NUP214: variants seen among roughly 807,000 people sequenced by gnomAD.
NUP214 encodes the protein nuclear pore complex protein Nup214.
A neutral mutation model predicts 196.2 loss-of-function variants in NUP214; 79 were observed. The ratio of observed to expected loss-of-function variants is 0.40; its 90% CI spans 0.34 to 0.49. NUP214 has a LOEUF of 0.49. NUP214 is among the 20% of genes least tolerant of loss of function. The pLI is 0.58. For missense variants in NUP214, 2,468 were observed against 2,539.0 expected (o/e 0.97, Z 0.60); for synonymous variants, 1,020 against 990.5 (o/e 1.03, Z -0.56).
rs143374083 is a variant in NUP214 at position 131,129,440 on chromosome 9, A to G, written c.555A>G (p.Val185=). 35 of 1,614,106 alleles carry G rather than the reference A, an allele frequency of 2.2e-5. No homozygotes were observed. In the African/African-American group the frequency reaches 2.8e-4, roughly 13 times the overall value. Residue 185 remains valine (V), a synonymous_variant, in exon 4 of 36, where the codon GTA becomes GTG. Coordinates refer to ENST00000359428, the MANE Select transcript of NUP214 (RefSeq NM_005085.4). ...TGCAAGTCACGGAAACAGTGAAAGT[A>G]TGTGCAACTCTTCCTTCCACGGTAG... ...AVLQVTETVK[V]CATLPSTVAV...
intron 30 of NUP214, among the ~76,000 whole-genome samples, chr9:131,205,616 A>G (rs1266764531): frequency 1.3e-5 from 2 of 152,254 alleles, no homozygotes; most frequent in African/African-American, 4.8e-5. Context: ...GCATAAATAA[A>G]TTGTGGTATA....
At chr9:131,130,309 A>C (rs930611166) in intron 4 of NUP214, among the ~76,000 whole-genome samples, 1 of 151,474 alleles carries the variant, frequency 6.6e-6, no homozygotes, top group South Asian at 2.1e-4. Context: ...ATGCCCAGCT[A>C]ATTTTTGTAT....
rs1402213745 is a variant in NUP214 at position 131,163,854 on chromosome 9, C to CGG, written c.2724-16_2724-15insGG. ...CAGCTCCTAGTTGGTCTGTATCTAA[C>CGG]ACTGTTCTGTTTCAGTTTTGACAGT... On this transcript the variant is annotated splice_polypyrimidine_tract_variant and intron_variant, in intron 19 of 35. Coordinates refer to ENST00000359428, the MANE Select transcript of NUP214 (RefSeq NM_005085.4). The CGG allele has an allele frequency of 1.9e-6, 3 of 1,609,060 alleles. No homozygotes were observed. Among genetic ancestry groups the CGG allele is most frequent in the East Asian group, 4.5e-5 (2 of 44,856 alleles).
At chr9:131,180,420 A>G (rs1036809260) in intron 24 of NUP214, among the ~76,000 whole-genome samples, 2 of 152,188 alleles carry the variant, frequency 1.3e-5, no homozygotes, top group Middle Eastern at 3.2e-3. Context: ...AGATTCTTTT[A>G]TGTTTTATTT....
At chr9:131,195,121 A>G (rs906411767) in intron 27 of NUP214, 112 bp from the exon 28 acceptor site, 2 of 732,654 alleles carry the variant, frequency 2.7e-6, no homozygotes, top group African/African-American at 1.8e-5. Flanking sequence ...TATCTTCTAG[A>G]TTGTAAATTC....
chr9:131,215,222 C>T lies in NUP214; in HGVS notation c.5603C>T (p.Ser1868Phe). 6.5e-7 allele frequency: 1 copy of T among 1,546,256 alleles called. No homozygotes were observed. Among genetic ancestry groups the T allele is most frequent in the South Asian group, 1.2e-5 (1 of 81,274 alleles). The change falls in exon 31 of 36, where the codon TCT (serine) becomes TTT (phenylalanine). Residue 1868 changes from serine (S) to phenylalanine (F), a missense_variant. Physicochemically the swap from Ser to Phe is radical, Grantham distance 155. Coordinates refer to ENST00000359428, the MANE Select transcript of NUP214 (RefSeq NM_005085.4). ...GGIVFGQQSSSSSGSVFGSGN... is the reference protein window; with the variant it reads ...GGIVFGQQSSFSSGSVFGSGN... ...CCTTTTGTTTTTTAGCAATCATCCT[C>T]TTCCAGTGGTAGCGTGTTTGGGTCT...
At chr9:131,135,150 C>T in intron 8 of NUP214, 146 bp downstream of exon 8, 1 of 588,286 alleles carries the variant, frequency 1.7e-6, no homozygotes, top group South Asian at 2.3e-5. Context: ...AGTGCAGTGG[C>T]ACGATTGTAG....
rs1282043697 is a variant in NUP214 at position 131,135,152 on chromosome 9, CGAT to C, written c.938+149_938+151del. 13 of 575,888 alleles carry C rather than the reference CGAT, an allele frequency of 2.3e-5. No homozygotes were observed. The East Asian group carries it at 3.8e-4, about 17-fold the overall frequency. 35.7% of individuals were successfully genotyped at this position (575,888 alleles called of 1,614,324 possible). On this transcript the variant is annotated intron_variant, in intron 8 of 35. Transcript: ENST00000359428. ...TTACCCAGGCTGGAGTGCAGTGGCA[CGAT>C]TGTAGCTCACAGAAGCCTGGAACTC...
chr9:131,184,026 C>CTTTTTTTTTTTTTTTTTTTT (rs776765956), intron 24 of NUP214, among the ~76,000 whole-genome samples: 68 of 104,362 alleles, frequency 6.5e-4, no homozygotes, highest in Non-Finnish European at 8.2e-4. Flanking sequence ...TTTTCTTTTT[C>CTTTTTTTTTTTTTTTTTTTT]TTTTTTTTTT....
Position 131,201,663 on chromosome 9 carries a change from T to C in NUP214, c.5538T>C (p.Asn1846=). The part of the protein sequence containing the change: ...FCQASGFGSS[N]TGSVFGQAAS... Reference sequence around the variant, plus strand: ...ATTTTACAGGTTTTGGGTCTAGTAATACTGGTTCTGTGTTTGGTCAAGCAG... The same window carrying C: ...ATTTTACAGGTTTTGGGTCTAGTAACACTGGTTCTGTGTTTGGTCAAGCAG... Residue 1846 remains asparagine (N), a synonymous_variant, in exon 30 of 36, where the codon AAT becomes AAC. Transcript: ENST00000359428. 6.2e-7 allele frequency: 1 copy of C among 1,614,054 alleles called. No individual in the cohort carries two copies. Among genetic ancestry groups the C allele is most frequent in the Non-Finnish European group, 8.5e-7 (1 of 1,179,884 alleles).
At position 131,228,213 on chromosome 9, in the gene NUP214, C is replaced by G; in HGVS notation, c.5956C>G (p.Pro1986Ala). The G allele has an allele frequency of 6.2e-7, 1 of 1,605,000 alleles. No individual in the cohort carries two copies. Among genetic ancestry groups the G allele is most frequent in the Middle Eastern group, 1.7e-4 (1 of 6,022 alleles). Residue 1986 changes from proline (P) to alanine (A), a missense_variant, in exon 33 of 36, where the codon CCT becomes GCT. Transcript: ENST00000359428. ...FGSPPTFGGS[P>A]GFGGVPAFGS... Reference sequence around the variant, plus strand: ...CAGCCCTCCTACTTTTGGGGGATCCCCTGGGTTTGGAGGGGTGCCAGCATT... The same window carrying G: ...CAGCCCTCCTACTTTTGGGGGATCCGCTGGGTTTGGAGGGGTGCCAGCATT...
At chr9:131,161,922 C>T (rs1462987062) in intron 18 of NUP214, among the ~76,000 whole-genome samples, 2 of 152,208 alleles carry the variant, frequency 1.3e-5, no homozygotes, top group East Asian at 1.9e-4. Flanking sequence ...GTCCAACCCA[C>T]GGCCTGCAGG....
In NUP214 at chr9:131,144,503, C is replaced by T. The variant is rs780227399; in HGVS notation, c.1518C>T (p.Ser506=). 37 of 1,614,006 alleles carry T rather than the reference C, an allele frequency of 2.3e-5. No individual in the cohort carries two copies. The highest frequency in any genetic ancestry group is 1.2e-4 in the South Asian group (11 of 91,082). Residue 506 remains serine (S), a synonymous_variant, in exon 12 of 36, where the codon TCC becomes TCT. Coordinates refer to ENST00000359428, the MANE Select transcript of NUP214 (RefSeq NM_005085.4). The part of the protein sequence containing the change: ...TGEPPSYSSG[S]DSSKAAPGPG... ...AGCCCCCTTCATATTCCAGTGGCTC[C>T]GACAGCTCCAAAGCAGCCCCAGGCC...
chr9:131,162,781 T>A (rs1832679142), intron 18 of NUP214: 2 of 563,076 alleles, frequency 3.6e-6, no homozygotes, highest in East Asian at 6.3e-5. Context: ...GCCTGCCTGT[T>A]TCCAGCTGTT....
chr9:131,219,371 T>C (rs1181734678), intron 31 of NUP214, among the ~76,000 whole-genome samples: 1 of 152,168 alleles, frequency 6.6e-6, no homozygotes, highest in African/African-American at 2.4e-5. Context: ...AAGACCCCAT[T>C]ATAGAGAGTT....
rs1439753306 is a variant in NUP214, at chr9:131,187,011, A to G, written c.3420-278A>G. On this transcript the variant is annotated intron_variant, in intron 24 of 35. Coordinates refer to ENST00000359428, the MANE Select transcript of NUP214 (RefSeq NM_005085.4). ...GGAGGGCTTATACTCTGGATAGCAA[A>G]AAGATCTAGTTCTGAATGGTTACTA... 1.6e-5 allele frequency: 6 copies of G among 363,784 alleles called. No homozygotes were observed. In the South Asian group the frequency reaches 2.1e-4, roughly 13 times the overall value. The allele number at this position is 363,784 out of a possible 1,614,324, so 22.5% of individuals were successfully genotyped here.
chr9:131,202,328 T>G (rs1833961725), intron 30 of NUP214, among the ~76,000 whole-genome samples: 1 of 152,208 alleles, frequency 6.6e-6, no homozygotes, highest in Admixed American at 6.5e-5. Flanking sequence ...GTTGTTTAAC[T>G]TCTTAATCTA....
chr9:131,230,562 T>G, intron 33 of NUP214, 68 bp from the exon 34 acceptor site: 13 of 1,592,112 alleles, frequency 8.2e-6, no homozygotes, highest in Non-Finnish European at 1.0e-5. Context: ...AGCAGGGGGC[T>G]GAGGCTTGCA....
intron 30 of NUP214, among the ~76,000 whole-genome samples, chr9:131,205,012 A>G (rs1047244841): frequency 1.3e-5 from 2 of 151,494 alleles, no homozygotes; most frequent in East Asian, 1.9e-4. Flanking sequence ...AAAAATATCT[A>G]TAAAGAATGA....
Sources: gnomAD v4.1 joint callset for allele counts (sites outside exome capture counted in the v4.1 genomes callset) on GRCh38, gnomAD v4.1.1 for gene constraint, MANE v1.5 for transcripts, NCBI Gene and HGNC (gene_info 2026-07-23, HGNC 2026-07-21) for gene names.